SH3GL1: variants seen among roughly 807,000 people sequenced by gnomAD.
The protein encoded by SH3GL1 is endophilin-A2.
SH3GL1 carries 21 observed loss-of-function variants against 48.8 expected under a neutral mutation model. That is an observed-to-expected ratio of 0.43 (90% CI 0.30 to 0.62). SH3GL1 has a LOEUF of 0.62. SH3GL1 is among the 20% of genes least tolerant of loss of function. The pLI is 0.11. For missense variants in SH3GL1, 454 were observed against 503.0 expected (o/e 0.90, Z 0.93); for synonymous variants, 282 against 217.5 (o/e 1.30, Z -2.61).
rs1228307479 is a variant in SH3GL1, at chr19:4,389,148, C to T, written c.45+11176G>A. On this transcript the variant is annotated intron_variant, in intron 1 of 9. Transcript: ENST00000269886. This position sits in a 1 kb window ranked among gnomAD's most constrained non-coding sequence, Gnocchi z 4.5. ...AGCTCAGCCTCTGTAGGGGGCGTCT[C>T]TGGCAACCTCATCAGCAGGCCAGTG... 6.6e-6 allele frequency among the ~76,000 whole-genome samples: 1 copy of T among 152,196 alleles called. No individual in the cohort carries two copies. The highest frequency in any genetic ancestry group is 2.4e-5 in the African/African-American group (1 of 41,430).
At chr19:4,377,657 C>A (rs1973036530) in intron 1 of SH3GL1, among the ~76,000 whole-genome samples, 1 of 152,226 alleles carries the variant, frequency 6.6e-6, no homozygotes, top group African/African-American at 2.4e-5. Flanking sequence ...GCAGCTGTCA[C>A]CTTGCAGTGG....
intron 1 of SH3GL1, among the ~76,000 whole-genome samples, chr19:4,381,737 A>AG (rs1203044222): frequency 9.2e-6 from 1 of 109,154 alleles, no homozygotes; most frequent in Non-Finnish European, 1.7e-5. Flanking sequence ...TCTGTTGCCT[A>AG]GCTGGAGTGC....
chr19:4,369,637 C>T (rs1204205216), intron 1 of SH3GL1, among the ~76,000 whole-genome samples: 1 of 152,208 alleles, frequency 6.6e-6, no homozygotes, highest in Non-Finnish European at 1.5e-5. Context: ...CTGGCCCTGG[C>T]CCCACCTGCC....
chr19:4,362,767 C>A, intron 7 of SH3GL1, 31 bp from the exon 8 acceptor site: 2 of 1,613,008 alleles, frequency 1.2e-6, no homozygotes, highest in South Asian at 2.2e-5. Context: ...GTGGACCGAG[C>A]CCGTGTCACG....
intron 1 of SH3GL1, among the ~76,000 whole-genome samples, chr19:4,390,780 C>G (rs1973323389): frequency 1.3e-5 from 2 of 152,008 alleles, no homozygotes; most frequent in Admixed American, 1.3e-4. Context: ...CCCTTCCAAC[C>G]CTCCCGGCAC....
chr19:4,375,316 G>C (rs1972985610), intron 1 of SH3GL1, among the ~76,000 whole-genome samples: 1 of 152,252 alleles, frequency 6.6e-6, no homozygotes. Flanking sequence ...AGACATGCCT[G>C]GCCCAAGGCC....
intron 4 of SH3GL1, among the ~76,000 whole-genome samples, chr19:4,365,078 C>G (rs549217050): frequency 6.6e-6 from 1 of 151,998 alleles, no homozygotes; most frequent in Non-Finnish European, 1.5e-5. Context: ...TAACAGCCCC[C>G]CAACACTCTA....
At chr19:4,383,805 G>A (rs892472793) in intron 1 of SH3GL1, among the ~76,000 whole-genome samples, 8 of 152,080 alleles carry the variant, frequency 5.3e-5, no homozygotes, top group East Asian at 1.9e-4. Flanking sequence ...CGTGAGAGCC[G>A]GGAAAAGGCA....
chr19:4,389,795 G>A lies in SH3GL1; in HGVS notation c.45+10529C>T, dbSNP rs970587261. Among the ~76,000 whole-genome samples the A allele has an allele frequency of 2.6e-5, 4 of 152,180 alleles. No homozygotes were observed. Among genetic ancestry groups the A allele is most frequent in the African/African-American group, 7.2e-5 (3 of 41,436 alleles). The stretch of plus-strand genomic sequence containing the variant: ...ATGAGCACAAATGCCTGGCTCCGGC[G>A]GCAATGGGCTCATATTCCAGTGGCA... On this transcript the variant is annotated intron_variant, in intron 1 of 9. Transcript: ENST00000269886. The surrounding 1 kb of genome is among the most constrained non-coding windows in gnomAD (Gnocchi z 4.5).
intron 1 of SH3GL1, among the ~76,000 whole-genome samples, chr19:4,387,250 C>T (rs80050871): frequency 0.026 from 3,877 of 151,746 alleles, 69 homozygotes; most frequent in Non-Finnish European, 0.038. Context: ...TTCTGTATTT[C>T]TTATTCTGGC....
At chr19:4,369,086 AG>A (rs929769322) in intron 1 of SH3GL1, among the ~76,000 whole-genome samples, 1 of 151,972 alleles carries the variant, frequency 6.6e-6, no homozygotes, top group African/African-American at 2.4e-5. Context: ...GAAAGAAGAA[AG>A]AAAAAAAAAA....
At chr19:4,374,381 C>T (rs1312800081) in intron 1 of SH3GL1, among the ~76,000 whole-genome samples, 2 of 152,210 alleles carry the variant, frequency 1.3e-5, no homozygotes, top group Non-Finnish European at 1.5e-5. Context: ...GTCTGGTGGC[C>T]GGAGGCTCCG....
chr19:4,367,486 G>C lies in SH3GL1; in HGVS notation c.46-492C>G, dbSNP rs1451553189. Among the ~76,000 whole-genome samples, 1 of 152,176 alleles carries C rather than the reference G, an allele frequency of 6.6e-6. No homozygotes were observed. The highest frequency in any genetic ancestry group is 2.4e-5 in the African/African-American group (1 of 41,442). ...GCAGGAGCTGACAGTTACGAGAAGA[G>C]GTGCAGGCAGCCGGGCAGGGAGGCC... On this transcript the variant is annotated intron_variant, in intron 1 of 9. Transcript: ENST00000269886. This position sits in a 1 kb window ranked among gnomAD's most constrained non-coding sequence, Gnocchi z 4.2.
At chr19:4,365,724 G>A (rs1972762915) in intron 3 of SH3GL1, 99 bp from the exon 4 acceptor site, 3 of 1,540,392 alleles carry the variant, frequency 1.9e-6, no homozygotes, top group Middle Eastern at 1.7e-4. Context: ...CTTGCTTCCT[G>A]TGCCTGTGGA....
At chr19:4,362,262 G>C in intron 9 of SH3GL1, 67 bp downstream of exon 9, 2 of 1,493,570 alleles carry the variant, frequency 1.3e-6, no homozygotes, top group African/African-American at 2.8e-5. Flanking sequence ...AGGGCGGGAG[G>C]AGAAACACCC....
intron 2 of SH3GL1, 140 bp from the exon 3 acceptor site, chr19:4,366,713 A>G: frequency 1.0e-6 from 1 of 954,812 alleles, no homozygotes; most frequent in Admixed American, 1.8e-5. Context: ...CAGCTCAGCC[A>G]TGTCCCCACA....
rs1273379699 is a variant in SH3GL1 at position 4,363,922 on chromosome 19, G to A, written c.466-44C>T. ...TGGGTCACACCAGTAGCGGCCAGAG[G>A]GCCGCCCCACGCATGGCTTTGACCC... is the stretch of plus-strand genomic sequence containing the variant. On this transcript the variant is annotated intron_variant, in intron 5 of 9. Coordinates refer to ENST00000269886, the MANE Select transcript of SH3GL1 (RefSeq NM_003025.4). The A allele has an allele frequency of 3.7e-6, 6 of 1,610,968 alleles. No homozygotes were observed. In the African/African-American group the frequency reaches 5.3e-5, roughly 14 times the overall value.
At chr19:4,368,707 C>A (rs1420942500) in intron 1 of SH3GL1, among the ~76,000 whole-genome samples, 17 of 152,170 alleles carry the variant, frequency 1.1e-4, no homozygotes. Flanking sequence ...TGCCTCTGAC[C>A]CCTGTCCCTT....
intron 5 of SH3GL1, 60 bp downstream of exon 5, chr19:4,364,028 T>G (rs983732645): frequency 6.2e-7 from 1 of 1,609,504 alleles, no homozygotes; most frequent in Non-Finnish European, 8.5e-7. Flanking sequence ...GTGGCAGGAA[T>G]GGGGCTGCCC....
Sources: allele counts gnomAD v4.1 joint callset (sites outside exome capture counted in the v4.1 genomes callset), GRCh38; gene constraint gnomAD v4.1.1; non-coding constraint Gnocchi (gnomAD v3.1); transcripts MANE v1.5; gene names NCBI Gene and HGNC (gene_info 2026-07-23, HGNC 2026-07-21).